PTTG1IP2: variants seen among roughly 807,000 people sequenced by gnomAD.
PTTG1IP2 encodes the protein PTTG1IP family member 2.
chr7:90,508,537 A>G (rs1359335905), intron 6 of PTTG1IP2, among the ~76,000 whole-genome samples: 1 of 152,188 alleles, frequency 6.6e-6, no homozygotes, highest in African/African-American at 2.4e-5. Flanking sequence ...GAAAAAGTAC[A>G]GATTATACCT....
intron 6 of PTTG1IP2, among the ~76,000 whole-genome samples, chr7:90,504,001 G>T (rs897828957): frequency 6.6e-6 from 1 of 152,012 alleles, no homozygotes; most frequent in Non-Finnish European, 1.5e-5. Context: ...ATTGAAAAAT[G>T]GGATGGTTTG....
At chr7:90,506,113 T>G (rs914610170) in intron 6 of PTTG1IP2, among the ~76,000 whole-genome samples, 4 of 152,094 alleles carry the variant, frequency 2.6e-5, no homozygotes, top group Admixed American at 2.6e-4. Context: ...TATCTCTAGT[T>G]TTACTGAGTC....
chr7:90,491,610 G>A (rs1382583346), intron 4 of PTTG1IP2, among the ~76,000 whole-genome samples: 8 of 149,554 alleles, frequency 5.3e-5, no homozygotes, highest in African/African-American at 9.9e-5. Flanking sequence ...GTGACATAGC[G>A]AGACTCCATC....
At chr7:90,478,212 T>C (rs553162335) in intron 1 of PTTG1IP2, among the ~76,000 whole-genome samples, 24 of 150,562 alleles carry the variant, frequency 1.6e-4, no homozygotes, top group Middle Eastern at 6.9e-3. Flanking sequence ...TATACAAAAA[T>C]AAAAACTTTA....
chr7:90,505,001 T>A (rs928439085), intron 6 of PTTG1IP2, among the ~76,000 whole-genome samples: 1 of 152,176 alleles, frequency 6.6e-6, no homozygotes, highest in African/African-American at 2.4e-5. Context: ...ATCATAAGAC[T>A]TAGCTAATCT....
At chr7:90,510,723 A>G (rs978138312) in intron 6 of PTTG1IP2, among the ~76,000 whole-genome samples, 5 of 152,236 alleles carry the variant, frequency 3.3e-5, no homozygotes, top group Admixed American at 6.5e-5. Flanking sequence ...CAGGCAATGT[A>G]AAAAAGCAAA....
intron 6 of PTTG1IP2, among the ~76,000 whole-genome samples, chr7:90,512,215 C>G (rs1250720675): frequency 2.0e-5 from 3 of 152,144 alleles, no homozygotes; most frequent in Non-Finnish European, 4.4e-5. Flanking sequence ...TTGTACAACA[C>G]AGGCGATGCT....
chr7:90,470,905 TG>T (rs1433447143), intron 1 of PTTG1IP2, among the ~76,000 whole-genome samples: 1 of 145,760 alleles, frequency 6.9e-6, no homozygotes, highest in Non-Finnish European at 1.5e-5. Flanking sequence ...CCTAGCAAAC[TG>T]GACTCATACC....
At chr7:90,510,331 A>G (rs184021346) in intron 6 of PTTG1IP2, among the ~76,000 whole-genome samples, 30 of 152,348 alleles carry the variant, frequency 2.0e-4, no homozygotes, top group Admixed American at 6.5e-4. Context: ...GACTCCTTAT[A>G]ATTTTGTGGT....
chr7:90,509,549 C>A (rs1425510730), intron 6 of PTTG1IP2, among the ~76,000 whole-genome samples: 2 of 152,114 alleles, frequency 1.3e-5, no homozygotes, highest in African/African-American at 2.4e-5. Flanking sequence ...GTAGTGATAG[C>A]AAGACATGCA....
intron 2 of PTTG1IP2, among the ~76,000 whole-genome samples, chr7:90,484,574 A>G (rs1352907975): frequency 6.6e-6 from 1 of 152,152 alleles, no homozygotes; most frequent in Non-Finnish European, 1.5e-5. Flanking sequence ...TTTACCTTAA[A>G]TTATACATTA....
chr7:90,489,636 A>G (rs1021529556), intron 4 of PTTG1IP2, among the ~76,000 whole-genome samples: 1 of 151,868 alleles, frequency 6.6e-6, no homozygotes, highest in Admixed American at 6.6e-5. Flanking sequence ...GGCCATAATT[A>G]TATCTTGAAA....
chr7:90,497,571 A>AC (rs1218126742), intron 6 of PTTG1IP2, among the ~76,000 whole-genome samples: 5 of 147,282 alleles, frequency 3.4e-5, no homozygotes, highest in African/African-American at 1.2e-4. Context: ...CTCAAAAAAA[A>AC]AAAAAAAAAA....
At chr7:90,474,386 A>C (rs1192257382) in intron 1 of PTTG1IP2, among the ~76,000 whole-genome samples, 1 of 152,222 alleles carries the variant, frequency 6.6e-6, no homozygotes, top group Non-Finnish European at 1.5e-5. Flanking sequence ...GAGCCAGAAA[A>C]TGTTAAGAAT....
At chr7:90,483,101 G>A (rs17875101) in intron 2 of PTTG1IP2, among the ~76,000 whole-genome samples, 55 of 152,220 alleles carry the variant, frequency 3.6e-4, no homozygotes, top group African/African-American at 1.3e-3. Flanking sequence ...TGATGGATCC[G>A]AATCTGGATA....
intron 6 of PTTG1IP2, among the ~76,000 whole-genome samples, chr7:90,499,736 A>G (rs1798039970): frequency 6.6e-6 from 1 of 151,968 alleles, no homozygotes; most frequent in Admixed American, 6.6e-5. Context: ...GGCGCATGCA[A>G]GCATGCCTGG....
chr7:90,493,111 G>A (rs1797957545), intron 5 of PTTG1IP2, among the ~76,000 whole-genome samples: 2 of 152,126 alleles, frequency 1.3e-5, no homozygotes, highest in Admixed American at 1.3e-4. Flanking sequence ...GTACTGCATA[G>A]TCCTTTATAA....
At chr7:90,507,441 T>A (rs1368508426) in intron 6 of PTTG1IP2, among the ~76,000 whole-genome samples, 1 of 152,206 alleles carries the variant, frequency 6.6e-6, no homozygotes, top group Non-Finnish European at 1.5e-5. Flanking sequence ...TCTCTGAGAC[T>A]TGATTACCTC....
At chr7:90,487,804 G>A (rs1200629646) in intron 3 of PTTG1IP2, among the ~76,000 whole-genome samples, 1 of 152,074 alleles carries the variant, frequency 6.6e-6, no homozygotes, top group Non-Finnish European at 1.5e-5. Context: ...TCTAGTGTAT[G>A]ATATCCATAA....
Sources: gnomAD v4.1 joint callset for allele counts (sites outside exome capture counted in the v4.1 genomes callset) on GRCh38, gnomAD v4.1.1 for gene constraint, MANE v1.5 for transcripts, NCBI Gene and HGNC (gene_info 2026-07-23, HGNC 2026-07-21) for gene names.